Variants in RBM47 observed in about 807,000 individuals in gnomAD.
RBM47 encodes the protein RNA binding motif protein 47.
RBM47 carries 21 observed loss-of-function variants against 47.1 expected under a neutral mutation model. The observed-to-expected ratio is 0.45, with a 90% CI of 0.32 to 0.64. The LOEUF is 0.64. Among genes scored for constraint, RBM47 ranks in the 30% least tolerant of loss-of-function variants. The probability of loss-of-function intolerance (pLI) is 0.05; values close to 1 mark genes in which losing one functional copy is unlikely to be tolerated. For missense variants in RBM47, 708 were observed against 870.9 expected, an observed-to-expected ratio of 0.81 and a Z score of 2.35; for synonymous variants, 375 against 361.7, an observed-to-expected ratio of 1.04 and a Z score of -0.42.
At chr4:40,617,032 C>T (rs1341904858) in intron 1 of RBM47, among the ~76,000 whole-genome samples, 1 of 151,640 alleles carries the variant, frequency 6.6e-6, no homozygotes, top group Non-Finnish European at 1.5e-5. Context: ...CCCGCCACTG[C>T]GGCCAGCTAA....
At chr4:40,452,755 T>A (rs1035172932) in intron 3 of RBM47, among the ~76,000 whole-genome samples, 1 of 152,232 alleles carries the variant, frequency 6.6e-6, no homozygotes, top group Admixed American at 6.5e-5. Flanking sequence ...TTATGTCTCT[T>A]CTTGGTTATC....
At chr4:40,434,703 C>CAAAAAAAAAAAAAA (rs201921796) in intron 5 of RBM47, among the ~76,000 whole-genome samples, 1 of 103,730 alleles carries the variant, frequency 9.6e-6, no homozygotes, top group Non-Finnish European at 1.9e-5. Flanking sequence ...TTTACACAGG[C>CAAAAAAAAAAAAAA]AAAAAAAAAA....
In RBM47 at chr4:40,423,697, TTTCTTTCTTTC is replaced by T. The variant is rs1472897640; in HGVS notation, c.*2196_*2206del. 1 of 87,320 alleles carries T rather than the reference TTTCTTTCTTTC, an allele frequency of 1.1e-5. No homozygotes were observed. The highest frequency in any genetic ancestry group is 6.7e-5 in the African/African-American group (1 of 14,930). 5.4% of individuals were successfully genotyped at this position (87,320 alleles called of 1,614,324 possible). ...CTTTCTTTCTTTCTTTCTTTCTTTC[TTTCTTTCTTTC>T]TTTCTTTTCTTTCTTTTCTTTCTTC... is the stretch of plus-strand genomic sequence containing the variant. On this transcript the variant is annotated 3_prime_UTR_variant, in exon 7 of 7. Transcript: ENST00000295971.
chr4:40,485,376 G>A (rs529809607), intron 2 of RBM47, among the ~76,000 whole-genome samples: 2 of 152,344 alleles, frequency 1.3e-5, no homozygotes, highest in South Asian at 2.1e-4. Flanking sequence ...CAAGTCGACA[G>A]CTGCTTTATC....
intron 2 of RBM47, among the ~76,000 whole-genome samples, chr4:40,471,974 A>G (rs1180453861): frequency 6.6e-6 from 1 of 152,146 alleles, no homozygotes; most frequent in Admixed American, 6.5e-5. Flanking sequence ...TGCTCCCCCA[A>G]CATCATATAA....
chr4:40,583,493 G>A (rs1733193824), intron 1 of RBM47, among the ~76,000 whole-genome samples: 1 of 151,586 alleles, frequency 6.6e-6, no homozygotes, highest in East Asian at 1.9e-4. Flanking sequence ...CTGGCCTCAG[G>A]AGTTCAACAC....
intron 2 of RBM47, among the ~76,000 whole-genome samples, chr4:40,487,881 T>C (rs1221233964): frequency 6.6e-6 from 1 of 152,158 alleles, no homozygotes; most frequent in Non-Finnish European, 1.5e-5. Flanking sequence ...TTCTTACTTT[T>C]CCCCTATGTA....
intron 1 of RBM47, among the ~76,000 whole-genome samples, chr4:40,558,236 C>T (rs544092251): frequency 1.3e-5 from 2 of 152,280 alleles, no homozygotes; most frequent in African/African-American, 2.4e-5. Flanking sequence ...TTACAGATAT[C>T]TCATTAACAC....
chr4:40,461,579 A>G (rs956455258), intron 3 of RBM47, among the ~76,000 whole-genome samples: 2 of 152,164 alleles, frequency 1.3e-5, no homozygotes, highest in African/African-American at 4.8e-5. Flanking sequence ...GAAAACCAAA[A>G]CAGGGATGGG....
At chr4:40,566,578 G>A (rs1577971956) in intron 1 of RBM47, among the ~76,000 whole-genome samples, 1 of 152,152 alleles carries the variant, frequency 6.6e-6, no homozygotes, top group Admixed American at 6.5e-5. Context: ...CTGGGAGGCA[G>A]AGGTTGCAGT....
intron 1 of RBM47, among the ~76,000 whole-genome samples, chr4:40,580,053 C>T (rs984228075): frequency 2.6e-5 from 4 of 152,180 alleles, no homozygotes; most frequent in African/African-American, 7.2e-5. Context: ...CCACCGCTTC[C>T]GGCCTACTTT....
At chr4:40,471,024 T>G (rs1459592137) in intron 2 of RBM47, among the ~76,000 whole-genome samples, 1 of 152,136 alleles carries the variant, frequency 6.6e-6, no homozygotes, top group Non-Finnish European at 1.5e-5. Context: ...ATTACAGGCG[T>G]GAGCCACCGC....
At position 40,425,896 on chromosome 4, in the gene RBM47, C is replaced by A. The variant is rs754135511; in HGVS notation, c.*8G>T. On this transcript the variant is annotated 3_prime_UTR_variant, in exon 7 of 7. Coordinates refer to ENST00000295971, the MANE Select transcript of RBM47 (RefSeq NM_001098634.2). ...TTGTGTGGTCTGTCTTCGTGCTGGTCACCAGCCTCAGTATGTCTGGTAGAC... is the reference window on the plus strand; with the variant it reads ...TTGTGTGGTCTGTCTTCGTGCTGGTAACCAGCCTCAGTATGTCTGGTAGAC... 1.2e-6 allele frequency: 2 copies of A among 1,613,814 alleles called. No homozygotes were observed. Among genetic ancestry groups the A allele is most frequent in the Non-Finnish European group, 1.7e-6 (2 of 1,179,812 alleles).
intron 2 of RBM47, among the ~76,000 whole-genome samples, chr4:40,509,073 T>C (rs903908486): frequency 1.4e-4 from 21 of 151,912 alleles, no homozygotes; most frequent in Admixed American, 6.6e-5. Flanking sequence ...AGCAGGAGAA[T>C]TGCTTGAATC....
chr4:40,575,037 G>T (rs1732155686), intron 1 of RBM47, among the ~76,000 whole-genome samples: 1 of 152,108 alleles, frequency 6.6e-6, no homozygotes, highest in Non-Finnish European at 1.5e-5. Context: ...AAGTTATCTG[G>T]CAACGCATGA....
At chr4:40,498,702 T>A (rs1248784574) in intron 2 of RBM47, among the ~76,000 whole-genome samples, 1 of 148,436 alleles carries the variant, frequency 6.7e-6, no homozygotes, top group Non-Finnish European at 1.5e-5. Context: ...AATTGTTAAG[T>A]ATGACAATTG....
At chr4:40,534,638 A>T (rs963347653) in intron 2 of RBM47, among the ~76,000 whole-genome samples, 5 of 152,102 alleles carry the variant, frequency 3.3e-5, no homozygotes, top group African/African-American at 1.2e-4. Flanking sequence ...GCTGGTAGTT[A>T]AAAAATGCAA....
At chr4:40,621,738 T>C (rs1737284109) in intron 1 of RBM47, among the ~76,000 whole-genome samples, 2 of 152,166 alleles carry the variant, frequency 1.3e-5, no homozygotes, top group African/African-American at 2.4e-5. Flanking sequence ...CACAAAATGG[T>C]TCAAACAGAG....
At position 40,424,961 on chromosome 4, in the gene RBM47, C is replaced by T. The variant is rs1238111436; in HGVS notation, c.*943G>A. On this transcript the variant is annotated 3_prime_UTR_variant, in exon 7 of 7. Coordinates refer to ENST00000295971, the MANE Select transcript of RBM47 (RefSeq NM_001098634.2). Reference sequence around the variant, plus strand: ...TACTGAAAATAGCACACGTAGAAGACAATACTTCCCCAACCAAACAAAAAA... The same window carrying T: ...TACTGAAAATAGCACACGTAGAAGATAATACTTCCCCAACCAAACAAAAAA... 1.4e-5 allele frequency: 2 copies of T among 141,702 alleles called. No individual in the cohort carries two copies. Among genetic ancestry groups the T allele is most frequent in the South Asian group, 2.4e-4 (1 of 4,240 alleles). 8.8% of individuals were successfully genotyped at this position (141,702 alleles called of 1,614,324 possible).
Sources: gnomAD v4.1 joint callset for allele counts (sites outside exome capture counted in the v4.1 genomes callset) on GRCh38, gnomAD v4.1.1 for gene constraint, MANE v1.5 for transcripts, NCBI Gene and HGNC (gene_info 2026-07-23, HGNC 2026-07-21) for gene names.